Variants in LRFN5 observed in about 807,000 individuals in gnomAD.
LRFN5 encodes the protein leucine-rich repeat and fibronectin type-III domain-containing protein 5.
A neutral mutation model predicts 45.6 loss-of-function variants in LRFN5; 24 were observed. That is an observed-to-expected ratio of 0.53 (90% CI 0.38 to 0.74). The LOEUF (loss-of-function observed/expected upper bound fraction) is 0.74, where lower values mean the gene tolerates loss of function less well. Among genes scored for constraint, LRFN5 ranks in the 30% least tolerant of loss-of-function variants. The pLI, the probability that LRFN5 is intolerant of heterozygous loss-of-function variation, is 0.00. For missense variants in LRFN5, 776 were observed against 861.5 expected, an observed-to-expected ratio of 0.90 and a Z score of 1.24; for synonymous variants, 340 against 313.8, an observed-to-expected ratio of 1.08 and a Z score of -0.88.
chr14:41,724,185 T>C (rs1373678629), intron 1 of LRFN5, among the ~76,000 whole-genome samples: 1 of 152,188 alleles, frequency 6.6e-6, no homozygotes, highest in African/African-American at 2.4e-5. Flanking sequence ...CCTTCATGCT[T>C]CCAATTTTCT....
intron 1 of LRFN5, among the ~76,000 whole-genome samples, chr14:41,748,286 A>G: frequency 6.6e-6 from 1 of 152,116 alleles, no homozygotes; most frequent in Non-Finnish European, 1.5e-5. Flanking sequence ...GTCCATTAGC[A>G]GACAAATGGC....
At chr14:41,868,863 A>G (rs983825817) in intron 2 of LRFN5, among the ~76,000 whole-genome samples, 1 of 152,190 alleles carries the variant, frequency 6.6e-6, no homozygotes, top group Non-Finnish European at 1.5e-5. Flanking sequence ...TTTTCGGTGT[A>G]GAAATTGAAC....
At position 41,641,728 on chromosome 14, in the gene LRFN5, G is replaced by C. The variant is rs547208192; in HGVS notation, c.-197+33166G>C. Among the ~76,000 whole-genome samples the C allele has an allele frequency of 9.9e-5, 15 of 152,052 alleles. No homozygotes were observed. In the East Asian group the frequency reaches 2.7e-3, roughly 27 times the overall value. On this transcript the variant is annotated intron_variant, in intron 1 of 5. Transcript: ENST00000298119. ...CATAGTTCCTTGTGGTTTGATAATGGCTTTATGATTTATATTTAAAATATT... is the reference window on the plus strand; with the variant it reads ...CATAGTTCCTTGTGGTTTGATAATGCCTTTATGATTTATATTTAAAATATT...
chr14:41,640,800 G>A (rs1879539927), intron 1 of LRFN5, among the ~76,000 whole-genome samples: 4 of 151,898 alleles, frequency 2.6e-5, no homozygotes, highest in African/African-American at 9.7e-5. Context: ...GAATTTTATT[G>A]CCCTTTATCC....
At chr14:41,655,470 A>G (rs1880335263) in intron 1 of LRFN5, among the ~76,000 whole-genome samples, 1 of 152,032 alleles carries the variant, frequency 6.6e-6, no homozygotes, top group Admixed American at 6.6e-5. Flanking sequence ...TAGACCAAAG[A>G]GAGGCCTGAT....
chr14:41,750,502 A>T (rs7147287), intron 1 of LRFN5, among the ~76,000 whole-genome samples: 62,178 of 151,618 alleles, frequency 0.41, 13,666 homozygotes, highest in South Asian at 0.52. Context: ...TGAAGGTCAC[A>T]TAAAATAATG....
chr14:41,904,099 T>G (rs1341264561), intron 5 of LRFN5, 59 bp from the exon 6 acceptor site: 2 of 1,358,570 alleles, frequency 1.5e-6, no homozygotes, highest in Non-Finnish European at 2.1e-6. Flanking sequence ...ATTAGCTATG[T>G]GTTTTCTTTC....
chr14:41,683,370 TG>T (rs915228523), intron 1 of LRFN5, among the ~76,000 whole-genome samples: 1 of 151,964 alleles, frequency 6.6e-6, no homozygotes, highest in Non-Finnish European at 1.5e-5. Flanking sequence ...TCATACTGAG[TG>T]GGGGAAACTG....
intron 2 of LRFN5, among the ~76,000 whole-genome samples, chr14:41,841,481 C>G (rs1208857410): frequency 6.6e-6 from 1 of 151,764 alleles, no homozygotes; most frequent in African/African-American, 2.4e-5. Context: ...ATGGTTATAC[C>G]ATTTTGTGTC....
intron 1 of LRFN5, among the ~76,000 whole-genome samples, chr14:41,624,183 A>G (rs1324116901): frequency 6.6e-6 from 1 of 152,108 alleles, no homozygotes; most frequent in Non-Finnish European, 1.5e-5. Flanking sequence ...ATATTTCACT[A>G]GATAAACATA....
chr14:41,723,010 C>T (rs1297631228), intron 1 of LRFN5, among the ~76,000 whole-genome samples: 1 of 152,130 alleles, frequency 6.6e-6, no homozygotes, highest in Non-Finnish European at 1.5e-5. Context: ...CCTCCTTGGC[C>T]CCAAGCTCTC....
At chr14:41,890,587 G>T (rs2139160197) in intron 3 of LRFN5, among the ~76,000 whole-genome samples, 1 of 151,700 alleles carries the variant, frequency 6.6e-6, no homozygotes, top group Non-Finnish European at 1.5e-5. Context: ...GGCGCCTGTA[G>T]TCCCAGCTAC....
intron 1 of LRFN5, among the ~76,000 whole-genome samples, chr14:41,655,359 C>CTA (rs1566605905): frequency 6.6e-6 from 1 of 151,884 alleles, no homozygotes; most frequent in African/African-American, 2.4e-5. Flanking sequence ...AGATTAGAGA[C>CTA]TAAATCGTAA....
intron 1 of LRFN5, among the ~76,000 whole-genome samples, chr14:41,635,340 C>T (rs1879254409): frequency 6.6e-6 from 1 of 152,088 alleles, no homozygotes; most frequent in South Asian, 2.1e-4. Flanking sequence ...ATTATGTATT[C>T]ACAGGCCTCT....
intron 1 of LRFN5, among the ~76,000 whole-genome samples, chr14:41,681,726 T>C (rs1182905048): frequency 3.9e-5 from 6 of 151,986 alleles, no homozygotes; most frequent in African/African-American, 1.4e-4. Flanking sequence ...TAAAAGTTAG[T>C]ACACAGGATA....
intron 1 of LRFN5, among the ~76,000 whole-genome samples, chr14:41,611,451 T>C (rs1887752766): frequency 6.6e-6 from 1 of 152,190 alleles, no homozygotes; most frequent in African/African-American, 2.4e-5. Context: ...CATTGATGAG[T>C]TAACACTTCA....
intron 1 of LRFN5, among the ~76,000 whole-genome samples, chr14:41,638,646 G>C (rs992426852): frequency 6.6e-6 from 1 of 152,080 alleles, no homozygotes; most frequent in African/African-American, 2.4e-5. Context: ...TTCTGTGAGA[G>C]AAAGATATTA....
intron 1 of LRFN5, among the ~76,000 whole-genome samples, chr14:41,612,973 T>C (rs1408541115): frequency 6.6e-6 from 1 of 152,124 alleles, no homozygotes; most frequent in African/African-American, 2.4e-5. Context: ...ATAAACATAA[T>C]TTAATTTTAC....
At chr14:41,798,911 C>T (rs1021588616) in intron 2 of LRFN5, among the ~76,000 whole-genome samples, 1 of 151,788 alleles carries the variant, frequency 6.6e-6, no homozygotes, top group Non-Finnish European at 1.5e-5. Flanking sequence ...ATTAATTTAT[C>T]TCTCTGTAAT....
Sources: gnomAD v4.1 joint callset for allele counts (sites outside exome capture counted in the v4.1 genomes callset) on GRCh38, gnomAD v4.1.1 for gene constraint, MANE v1.5 for transcripts, NCBI Gene and HGNC (gene_info 2026-07-23, HGNC 2026-07-21) for gene names.